Variants in MDGA2 observed in about 807,000 individuals in gnomAD.
MDGA2 encodes the protein MAM domain-containing glycosylphosphatidylinositol anchor protein 2.
MDGA2 carries 40 observed loss-of-function variants against 117.8 expected under a neutral mutation model. The ratio of observed to expected loss-of-function variants is 0.34; its 90% CI spans 0.26 to 0.44. The LOEUF (loss-of-function observed/expected upper bound fraction) is 0.44, where lower values mean the gene tolerates loss of function less well. Ranked by LOEUF, MDGA2 falls within the 20% of genes least tolerant of loss-of-function variation. MDGA2 has a pLI of 1.00. For synonymous variants in MDGA2, 452 were observed against 439.0 expected, an observed-to-expected ratio of 1.03 and a Z score of -0.37; for missense variants, 1,123 against 1,250.6, an observed-to-expected ratio of 0.90 and a Z score of 1.54.
At chr14:47,601,411 C>A (rs1019264468) in intron 1 of MDGA2, among the ~76,000 whole-genome samples, 1 of 151,930 alleles carries the variant, frequency 6.6e-6, no homozygotes, top group Non-Finnish European at 1.5e-5. Flanking sequence ...AAAAAAAAAT[C>A]TGTATTGATC....
chr14:46,938,557 A>AAAAAAAAAAAAAAAAAAAAAAAAAAAAC, intron 9 of MDGA2, among the ~76,000 whole-genome samples: 2 of 148,776 alleles, frequency 1.3e-5, no homozygotes, highest in African/African-American at 2.4e-5. Flanking sequence ...AAAAAAAAAA[A>AAAAAAAAAAAAAAAAAAAAAAAAAAAAC]AAAGAGACAT....
At chr14:46,911,125 G>T (rs1010744019) in intron 10 of MDGA2, among the ~76,000 whole-genome samples, 1 of 152,090 alleles carries the variant, frequency 6.6e-6, no homozygotes, top group African/African-American at 2.4e-5. Context: ...ACAAACTTGT[G>T]CATGGACACC....
At chr14:47,085,828 A>C (rs1033407186) in intron 6 of MDGA2, among the ~76,000 whole-genome samples, 1 of 152,132 alleles carries the variant, frequency 6.6e-6, no homozygotes, top group Non-Finnish European at 1.5e-5. Context: ...TATTATAAAA[A>C]GTAAATCTAA....
At chr14:47,172,084 A>G (rs1056444335) in intron 3 of MDGA2, among the ~76,000 whole-genome samples, 4 of 152,154 alleles carry the variant, frequency 2.6e-5, no homozygotes, top group African/African-American at 9.7e-5. Flanking sequence ...GGTGGCAGCA[A>G]GGCTGGGGGA....
rs530034634 is a variant in MDGA2 at position 47,155,576 on chromosome 14, C to T, written c.596-11302G>A. The stretch of plus-strand genomic sequence containing the variant: ...CCTAGCAGGGAGCCAACGCCCATGC[C>T]GGGAGTTGCCCACCCCGCTACAGCT... On this transcript the variant is annotated intron_variant, in intron 3 of 16. Transcript: ENST00000399232. Among the ~76,000 whole-genome samples the T allele has an allele frequency of 7.2e-5, 11 of 152,168 alleles. No homozygotes were observed. The East Asian group carries it at 1.2e-3, about 16-fold the overall frequency.
intron 2 of MDGA2, among the ~76,000 whole-genome samples, chr14:47,268,804 T>C (rs777403374): frequency 2.4e-4 from 37 of 152,354 alleles, no homozygotes; most frequent in Non-Finnish European, 4.3e-4. Flanking sequence ...TAATGAAGCA[T>C]GAATTAATTC....
chr14:47,518,961 T>C (rs1440967792), intron 1 of MDGA2, among the ~76,000 whole-genome samples: 1 of 152,154 alleles, frequency 6.6e-6, no homozygotes, highest in Non-Finnish European at 1.5e-5. Flanking sequence ...CCCAGCATTT[T>C]GGGAAGCTGA....
chr14:46,945,208 A>T (rs962923051), intron 9 of MDGA2, among the ~76,000 whole-genome samples: 1 of 152,120 alleles, frequency 6.6e-6, no homozygotes, highest in Non-Finnish European at 1.5e-5. Context: ...AAATCCAAGG[A>T]TGTTCCTAAA....
intron 7 of MDGA2, among the ~76,000 whole-genome samples, chr14:47,046,720 CCAAA>C (rs1418152864): frequency 1.3e-5 from 2 of 152,040 alleles, no homozygotes; most frequent in African/African-American, 2.4e-5. Context: ...ATACTGCACT[CCAAA>C]CAGTTTATTA....
At chr14:47,251,524 G>C (rs147821619) in intron 2 of MDGA2, among the ~76,000 whole-genome samples, 22 of 152,002 alleles carry the variant, frequency 1.4e-4, no homozygotes, top group African/African-American at 5.3e-4. Flanking sequence ...CATTACCCCC[G>C]AAGTATACGT....
At chr14:46,954,141 T>C (rs926026197) in intron 9 of MDGA2, among the ~76,000 whole-genome samples, 14 of 152,002 alleles carry the variant, frequency 9.2e-5, no homozygotes, top group East Asian at 1.9e-4. Flanking sequence ...ATTTTCCTCA[T>C]TGACTGCTTC....
chr14:46,901,182 G>A (rs1398588003), intron 10 of MDGA2, among the ~76,000 whole-genome samples: 1 of 125,552 alleles, frequency 8.0e-6, no homozygotes, highest in Non-Finnish European at 1.6e-5. Context: ...GGGGACTGTT[G>A]TGGGGTGGGG....
intron 1 of MDGA2, among the ~76,000 whole-genome samples, chr14:47,442,094 T>C (rs896150438): frequency 2.0e-5 from 3 of 152,162 alleles, no homozygotes; most frequent in African/African-American, 7.2e-5. Flanking sequence ...CTACTTGTCA[T>C]GTGATTTATC....
At chr14:47,579,429 A>C (rs1272029255) in intron 1 of MDGA2, among the ~76,000 whole-genome samples, 2 of 151,972 alleles carry the variant, frequency 1.3e-5, no homozygotes, top group Non-Finnish European at 2.9e-5. Flanking sequence ...GTTTCTTTTC[A>C]CTCATTTAAT....
At chr14:47,490,665 T>A (rs569862464) in intron 1 of MDGA2, among the ~76,000 whole-genome samples, 3 of 152,252 alleles carry the variant, frequency 2.0e-5, no homozygotes, top group Non-Finnish European at 4.4e-5. Flanking sequence ...AATTGTAGAA[T>A]TTTAAGAGAA....
chr14:46,984,882 A>G (rs924493240), intron 8 of MDGA2, among the ~76,000 whole-genome samples: 1 of 152,084 alleles, frequency 6.6e-6, no homozygotes, highest in Non-Finnish European at 1.5e-5. Flanking sequence ...ACCTAATAAC[A>G]GTCATTCTAA....
At chr14:47,458,828 T>A (rs1893419149) in intron 1 of MDGA2, among the ~76,000 whole-genome samples, 1 of 151,578 alleles carries the variant, frequency 6.6e-6, no homozygotes, top group Admixed American at 6.6e-5. Context: ...AATGTGTGAA[T>A]TAATCTTTGC....
intron 2 of MDGA2, among the ~76,000 whole-genome samples, chr14:47,256,787 CAGAAAGAA>C (rs1221974813): frequency 1.4e-5 from 2 of 144,494 alleles, no homozygotes; most frequent in African/African-American, 5.2e-5. Context: ...AAATTAGAGC[CAGAAAGAA>C]AGAGAGAAAG....
intron 1 of MDGA2, among the ~76,000 whole-genome samples, chr14:47,325,922 C>T (rs572898694): frequency 6.6e-6 from 1 of 152,198 alleles, no homozygotes; most frequent in Admixed American, 6.6e-5. Flanking sequence ...ACGGAGGACT[C>T]TACTAGGGAT....
Sources: allele counts gnomAD v4.1 joint callset (sites outside exome capture counted in the v4.1 genomes callset), GRCh38; gene constraint gnomAD v4.1.1; transcripts MANE v1.5; gene names NCBI Gene and HGNC (gene_info 2026-07-23, HGNC 2026-07-21).